The following COTL1 variants were observed in gnomAD, a reference collection of about 807,000 sequenced individuals.
COTL1 encodes coactosin-like protein.
Under a neutral mutation model 16.5 loss-of-function variants are expected in COTL1, and 15 were observed. The observed-to-expected ratio is 0.91, with a 90% CI of 0.61 to 1.40. The LOEUF is 1.40. Among genes scored for constraint, COTL1 ranks in the 40% most tolerant of loss-of-function variants. The probability of loss-of-function intolerance (pLI) is 0.00; values close to 1 mark genes in which losing one functional copy is unlikely to be tolerated. For missense variants in COTL1, 220 were observed against 201.5 expected (o/e 1.09, Z -0.56); for synonymous variants, 112 against 85.3 (o/e 1.31, Z -1.73).
intron 3 of COTL1, among the ~76,000 whole-genome samples, chr16:84,574,386 C>T (rs1904404948): frequency 6.6e-6 from 1 of 152,190 alleles, no homozygotes; most frequent in Non-Finnish European, 1.5e-5. Flanking sequence ...GGGGCACCGT[C>T]ACCTGTGGCT....
intron 3 of COTL1, chr16:84,576,608 C>G (rs1347080995): frequency 1.3e-5 from 2 of 152,116 alleles, no homozygotes; most frequent in Admixed American, 6.6e-5. Context: ...GGCTCTGGGC[C>G]CTGGTTTCCA....
chr16:84,604,864 T>C (rs1258513409), intron 2 of COTL1, among the ~76,000 whole-genome samples: 1 of 152,230 alleles, frequency 6.6e-6, no homozygotes, highest in African/African-American at 2.4e-5. Context: ...CCATGAACAA[T>C]ACACTCCATT....
At chr16:84,592,400 G>A (rs929971150) in intron 2 of COTL1, among the ~76,000 whole-genome samples, 9 of 152,122 alleles carry the variant, frequency 5.9e-5, no homozygotes, top group Non-Finnish European at 1.2e-4. Flanking sequence ...CTCTCTCAGG[G>A]CGTTTAGTTG....
In COTL1 at chr16:84,590,023, A is replaced by G; in HGVS notation, c.318+82T>C. ...GTCACAGCTAAGCTACAGACCCAGG[A>G]GTCGAACCCAGCCCTCTCCCTCCTT... On this transcript the variant is annotated intron_variant, in intron 3 of 3. Coordinates refer to ENST00000262428, the MANE Select transcript of COTL1 (RefSeq NM_021149.5). This position sits in a 1 kb window ranked among gnomAD's most constrained non-coding sequence, Gnocchi z 5.5. 1 of 1,418,422 alleles carries G rather than the reference A, an allele frequency of 7.1e-7. No homozygotes were observed. Among genetic ancestry groups the G allele is most frequent in the South Asian group, 1.3e-5 (1 of 76,522 alleles). The allele number at this position is 1,418,422 out of a possible 1,614,324, so 87.9% of individuals were successfully genotyped here.
chr16:84,587,527 G>A (rs1011887665), intron 3 of COTL1, among the ~76,000 whole-genome samples: 5 of 152,078 alleles, frequency 3.3e-5, no homozygotes, highest in East Asian at 1.9e-4. Flanking sequence ...AGTACATGAC[G>A]GTACACTTGT....
chr16:84,578,675 G>GCA (rs3086227), intron 3 of COTL1, among the ~76,000 whole-genome samples: 19 of 147,214 alleles, frequency 1.3e-4, no homozygotes, highest in African/African-American at 3.8e-4. Context: ...ACACAAGTGT[G>GCA]CACACACACA....
At chr16:84,576,892 T>A (rs1349546550) in intron 3 of COTL1, 1 of 152,274 alleles carries the variant, frequency 6.6e-6, no homozygotes, top group Non-Finnish European at 1.5e-5. Context: ...CCCGCAGGCA[T>A]AAGATGGAGC....
chr16:84,608,221 C>G (rs1905251806), intron 2 of COTL1, among the ~76,000 whole-genome samples: 1 of 152,180 alleles, frequency 6.6e-6, no homozygotes, highest in African/African-American at 2.4e-5. Flanking sequence ...TTTATAACAC[C>G]TATAAAATCT....
chr16:84,590,738 GGACCAGAAATTCATCCTCTTTGTA>G lies in COTL1; in HGVS notation c.161-500_161-477del, dbSNP rs1904842115. On this transcript the variant is annotated intron_variant, in intron 2 of 3. Transcript: ENST00000262428. This position sits in a 1 kb window ranked among gnomAD's most constrained non-coding sequence, Gnocchi z 5.5. ...GGCTCAAATTATGGATCTTATTTAG[GGACCAGAAATTCATCCTCTTTGTA>G]GACCAGAAATTCATCAACTCTTTTT... Among the ~76,000 whole-genome samples, 5 of 152,190 alleles carry G rather than the reference GGACCAGAAATTCATCCTCTTTGTA, an allele frequency of 3.3e-5. No individual in the cohort carries two copies. The highest frequency in any genetic ancestry group is 6.8e-3 in the Middle Eastern group (2 of 294).
chr16:84,600,630 T>C (rs759181405), intron 2 of COTL1, among the ~76,000 whole-genome samples: 31 of 152,216 alleles, frequency 2.0e-4, no homozygotes, highest in Non-Finnish European at 8.8e-5. Context: ...TGTTTCTTTA[T>C]GTGATCCGCA....
intron 2 of COTL1, among the ~76,000 whole-genome samples, chr16:84,591,634 T>TAA (rs372775821): frequency 9.3e-5 from 7 of 75,196 alleles, no homozygotes; most frequent in African/African-American, 2.0e-4. Context: ...ATCACCTCTC[T>TAA]AAAAAAAAAA....
At chr16:84,616,568 G>C (rs2914845) in intron 2 of COTL1, 79,615 of 151,998 alleles carry the variant, frequency 0.52, 21,720 homozygotes, top group African/African-American at 0.68. Context: ...GGTCCACGCC[G>C]TAACCTCCGG....
rs1199273096 is a variant in COTL1, at chr16:84,617,603, A to G, written c.78-20T>C. The G allele has an allele frequency of 3.2e-6, 5 of 1,549,140 alleles. No individual in the cohort carries two copies. In the East Asian group the frequency reaches 1.2e-4, roughly 38 times the overall value. On this transcript the variant is annotated intron_variant, in intron 1 of 3. Transcript: ENST00000262428. Reference sequence around the variant, plus strand: ...GTCACCCTTTGGGTTGGGAGAAGAAAAAAACACACACACACATCAGCGCTG... The same window carrying G: ...GTCACCCTTTGGGTTGGGAGAAGAAGAAAACACACACACACATCAGCGCTG...
intron 2 of COTL1, among the ~76,000 whole-genome samples, chr16:84,614,901 G>A (rs960485634): frequency 1.3e-5 from 2 of 152,068 alleles, no homozygotes; most frequent in African/African-American, 4.8e-5. Context: ...AGCCTGCCTG[G>A]GTTCAAGTCC....
chr16:84,580,866 A>G (rs2052905), intron 3 of COTL1, among the ~76,000 whole-genome samples: 55,996 of 152,066 alleles, frequency 0.37, 11,552 homozygotes, highest in African/African-American at 0.56. Flanking sequence ...ACATGAGGCC[A>G]GGCATGGTGG....
chr16:84,592,823 C>T (rs1319090358), intron 2 of COTL1, among the ~76,000 whole-genome samples: 2 of 152,104 alleles, frequency 1.3e-5, no homozygotes, highest in African/African-American at 4.8e-5. Flanking sequence ...GGTGGTCTAA[C>T]GGGTCATCCA....
At chr16:84,592,072 C>T (rs777674201) in intron 2 of COTL1, among the ~76,000 whole-genome samples, 4 of 152,176 alleles carry the variant, frequency 2.6e-5, no homozygotes, top group Non-Finnish European at 4.4e-5. Context: ...CCTGGCCCCA[C>T]CAGTTATGAC....
At chr16:84,600,257 CTG>C (rs1905081848) in intron 2 of COTL1, among the ~76,000 whole-genome samples, 1 of 151,426 alleles carries the variant, frequency 6.6e-6, no homozygotes. Context: ...ACCCATTACT[CTG>C]TTTATTTCTA....
In COTL1 at chr16:84,590,111, G is replaced by C. The variant is rs754482793; in HGVS notation, c.312C>G (p.Val104=). 2 of 1,613,386 alleles carry C rather than the reference G, an allele frequency of 1.2e-6. No homozygotes were observed. Among genetic ancestry groups the C allele is most frequent in the Non-Finnish European group, 1.7e-6 (2 of 1,179,468 alleles). ...CTCTGGAGGAACTCAGTACCTGTAC[G>C]ACCTCCTTCACCAGGGTCTTGTCCG... is the stretch of plus-strand genomic sequence containing the variant. The part of the protein sequence containing the change: ...TGTDKTLVKE[V]VQNFAKEFVI... Residue 104 remains valine, a synonymous_variant, in exon 3 of 4, where the codon GTC becomes GTG. Transcript: ENST00000262428. The surrounding 1 kb of genome is among the most constrained non-coding windows in gnomAD (Gnocchi z 5.5).
Sources: allele counts gnomAD v4.1 joint callset (sites outside exome capture counted in the v4.1 genomes callset), GRCh38; gene constraint gnomAD v4.1.1; non-coding constraint Gnocchi (gnomAD v3.1); transcripts MANE v1.5; gene names NCBI Gene and HGNC (gene_info 2026-07-23, HGNC 2026-07-21).